Variants in SVOP observed in about 807,000 individuals in gnomAD.
SVOP encodes the protein synaptic vesicle 2-related protein.
In SVOP, 17 loss-of-function variants were observed where a neutral mutation model predicts 69.1. The ratio of observed to expected loss-of-function variants is 0.25; its 90% CI spans 0.17 to 0.37. The LOEUF (loss-of-function observed/expected upper bound fraction) is 0.37, where lower values mean the gene tolerates loss of function less well. Ranked by LOEUF, SVOP falls within the 10% of genes least tolerant of loss-of-function variation. The probability of loss-of-function intolerance (pLI) is 1.00; values close to 1 mark genes in which losing one functional copy is unlikely to be tolerated. For missense variants in SVOP, 435 were observed against 597.5 expected (o/e 0.73, Z 2.84); for synonymous variants, 238 against 238.6 (o/e 1.00, Z 0.02).
chr12:108,913,032 T>A (rs563822472), intron 15 of SVOP, among the ~76,000 whole-genome samples: 2 of 152,270 alleles, frequency 1.3e-5, no homozygotes, highest in East Asian at 3.9e-4. Flanking sequence ...ATCTCTTCTT[T>A]ATAAATTACC....
Position 108,912,321 on chromosome 12 carries a change from T to C in SVOP, c.*214A>G, listed in dbSNP as rs753979672. 2.0e-5 allele frequency: 29 copies of C among 1,431,072 alleles called. No homozygotes were observed. Among genetic ancestry groups the C allele is most frequent in the Non-Finnish European group, 2.6e-5 (29 of 1,096,808 alleles). 88.6% of individuals were successfully genotyped at this position (1,431,072 alleles called of 1,614,324 possible). A position where few individuals can be genotyped will look rare whatever the true frequency, so the allele number is the denominator to read the frequency against. On this transcript the variant is annotated 3_prime_UTR_variant, in exon 16 of 16. Coordinates refer to ENST00000610966, the MANE Select transcript of SVOP (RefSeq NM_018711.5). ...GGTTATGAACAAAGCTTTCACCACA[T>C]ATACAGAGAACCCCCTAGAGCAAAC...
intron 6 of SVOP, among the ~76,000 whole-genome samples, chr12:108,950,502 C>T (rs377507938): frequency 9.2e-5 from 14 of 152,282 alleles, no homozygotes; most frequent in African/African-American, 2.2e-4. Context: ...CCCACCTCAG[C>T]GTCCTGAGTA....
intron 14 of SVOP, among the ~76,000 whole-genome samples, chr12:108,916,115 G>C (rs544286660): frequency 2.0e-5 from 3 of 152,178 alleles, no homozygotes; most frequent in Non-Finnish European, 4.4e-5. Context: ...TCTGTCCTGG[G>C]GGGGGCTCCC....
At chr12:108,954,410 ATAAC>A (rs2039974398) in intron 6 of SVOP, among the ~76,000 whole-genome samples, 1 of 152,220 alleles carries the variant, frequency 6.6e-6, no homozygotes. Flanking sequence ...CAATACATGA[ATAAC>A]TAAATGGGGA....
chr12:108,953,860 C>T (rs924367783), intron 6 of SVOP, among the ~76,000 whole-genome samples: 1 of 151,994 alleles, frequency 6.6e-6, no homozygotes, highest in Non-Finnish European at 1.5e-5. Context: ...GCCTGTAATC[C>T]CAGCACTTTG....
chr12:108,998,879 G>A (rs1278922769), intron 1 of SVOP, among the ~76,000 whole-genome samples: 7 of 151,918 alleles, frequency 4.6e-5, no homozygotes, highest in African/African-American at 1.5e-4. Context: ...AAAGACCACC[G>A]AGACTAGGAA....
chr12:108,915,813 C>A lies in SVOP; in HGVS notation c.1410G>T (p.Val470=), dbSNP rs773025822. ...CGATGAACGGAGTGATGAGAGCACCCACTCTTGCCATGCCGCTGCAGGTGC... is the reference window on the plus strand; with the variant it reads ...CGATGAACGGAGTGATGAGAGCACCAACTCTTGCCATGCCGCTGCAGGTGC... ...GLGTCSGMAR[V]GALITPFIAQ... Residue 470 remains valine (V), a synonymous_variant, in exon 15 of 16, where the codon GTG becomes GTT. Transcript: ENST00000610966. 6.2e-7 allele frequency: 1 copy of A among 1,608,228 alleles called. No individual in the cohort carries two copies. The highest frequency in any genetic ancestry group is 1.1e-5 in the South Asian group (1 of 89,794).
chr12:108,992,536 G>A (rs567162087), intron 1 of SVOP, among the ~76,000 whole-genome samples: 1 of 152,160 alleles, frequency 6.6e-6, no homozygotes, highest in Non-Finnish European at 1.5e-5. Context: ...AAGAGACACT[G>A]TCTCTGAAAA....
chr12:108,970,757 G>C (rs143136127), intron 5 of SVOP, among the ~76,000 whole-genome samples: 2 of 152,216 alleles, frequency 1.3e-5, no homozygotes, highest in South Asian at 2.1e-4. Flanking sequence ...GCTCACATCT[G>C]TAATCCCAGC....
intron 1 of SVOP, among the ~76,000 whole-genome samples, chr12:109,015,824 G>A (rs2040364925): frequency 6.6e-6 from 1 of 152,058 alleles, no homozygotes. Flanking sequence ...AAAGTGAAAT[G>A]GGAGGAAGAG....
intron 1 of SVOP, among the ~76,000 whole-genome samples, chr12:109,011,826 T>C (rs2040343382): frequency 6.6e-6 from 1 of 152,064 alleles, no homozygotes; most frequent in African/African-American, 2.4e-5. Flanking sequence ...TGGAGGACAT[T>C]GTGTTAAGTG....
At chr12:108,972,380 G>C (rs762441180) in intron 5 of SVOP, 25 bp downstream of exon 5, 1 of 1,536,284 alleles carries the variant, frequency 6.5e-7, no homozygotes, top group Admixed American at 2.0e-5. Context: ...GAGGACATGC[G>C]TTTAGAAGAG....
At chr12:108,948,119 G>GGGA (rs966731362) in intron 6 of SVOP, among the ~76,000 whole-genome samples, 4 of 151,958 alleles carry the variant, frequency 2.6e-5, no homozygotes, top group Admixed American at 1.3e-4. Context: ...CTGGCATTGG[G>GGGA]GGAGGGGTGG....
At chr12:108,944,760 T>A (rs1054523668) in intron 7 of SVOP, among the ~76,000 whole-genome samples, 10 of 152,154 alleles carry the variant, frequency 6.6e-5, no homozygotes, top group Non-Finnish European at 1.3e-4. Flanking sequence ...GGTGATGATA[T>A]GAGTGTGGGC....
chr12:108,985,264 A>AAG, intron 1 of SVOP, among the ~76,000 whole-genome samples: 1 of 151,444 alleles, frequency 6.6e-6, no homozygotes, highest in African/African-American at 2.4e-5. Flanking sequence ...AGAAAGAAAG[A>AAG]GAGAGAGAGG....
chr12:108,985,313 TAAA>T (rs1278852164), intron 1 of SVOP, among the ~76,000 whole-genome samples: 3 of 54,654 alleles, frequency 5.5e-5, no homozygotes, highest in African/African-American at 2.8e-4. Flanking sequence ...GAGAAAGAAA[TAAA>T]AAAGGAAGGA....
chr12:108,978,280 A>G (rs139752968), intron 3 of SVOP: 7,444 of 305,450 alleles, frequency 0.024, 545 homozygotes, highest in African/African-American at 0.15. Flanking sequence ...TTTTCTAGGG[A>G]GAGCTCTACA....
In SVOP at chr12:108,919,778, C is replaced by G; in HGVS notation, c.1165G>C (p.Val389Leu). 3.1e-6 allele frequency: 5 copies of G among 1,594,286 alleles called. No homozygotes were observed. Among genetic ancestry groups the G allele is most frequent in the Non-Finnish European group, 4.3e-6 (5 of 1,170,416 alleles). Residue 389 changes from valine to leucine, a missense_variant, in exon 13 of 16, where the codon GTG becomes CTG. Val to Leu is a conservative substitution (Grantham distance 32). Coordinates refer to ENST00000610966, the MANE Select transcript of SVOP (RefSeq NM_018711.5). ...AGGCGGTCAATAATCCACAGAGTCA[C>G]AAGGACACCTGGAAGGGGAGTGGGG... Reference protein sequence around the residue: ...TTLSEFPGVLVTLWIIDRLGR... With the variant: ...TTLSEFPGVLLTLWIIDRLGR...
At chr12:108,982,776 C>G (rs950103577) in intron 2 of SVOP, among the ~76,000 whole-genome samples, 80 of 104,950 alleles carry the variant, frequency 7.6e-4, no homozygotes, top group Non-Finnish European at 1.3e-3. Flanking sequence ...AACATCACCA[C>G]CATCATCATC....
Sources: allele counts gnomAD v4.1 joint callset (sites outside exome capture counted in the v4.1 genomes callset), GRCh38; gene constraint gnomAD v4.1.1; transcripts MANE v1.5; gene names NCBI Gene and HGNC (gene_info 2026-07-23, HGNC 2026-07-21).